Variants in TOX observed in about 807,000 individuals in gnomAD.
The protein encoded by TOX is thymocyte selection associated high mobility group box.
TOX carries 11 observed loss-of-function variants against 53.7 expected under a neutral mutation model. The observed-to-expected ratio is 0.20, with a 90% CI of 0.13 to 0.34. The LOEUF is 0.34. TOX is among the 10% of genes least tolerant of loss of function. TOX has a pLI of 1.00. For synonymous variants in TOX, 225 were observed against 245.3 expected (o/e 0.92, Z 0.77); for missense variants, 570 against 664.6 (o/e 0.86, Z 1.56).
intron 1 of TOX, among the ~76,000 whole-genome samples, chr8:59,012,658 A>C (rs1813928265): frequency 6.6e-6 from 1 of 152,246 alleles, no homozygotes; most frequent in Admixed American, 6.5e-5. Context: ...ATAAGTTCAC[A>C]TTAATCCTCA....
At chr8:58,881,289 C>T (rs900896382) in intron 3 of TOX, among the ~76,000 whole-genome samples, 10 of 152,038 alleles carry the variant, frequency 6.6e-5, no homozygotes, top group Admixed American at 2.6e-4. Flanking sequence ...AGATTATCTT[C>T]GAATAAAGTA....
intron 3 of TOX, among the ~76,000 whole-genome samples, chr8:58,928,429 G>A (rs955941705): frequency 6.6e-6 from 1 of 152,182 alleles, no homozygotes; most frequent in Non-Finnish European, 1.5e-5. Context: ...CTTCACCTTG[G>A]TGCAGCTACC....
intron 1 of TOX, among the ~76,000 whole-genome samples, chr8:59,021,481 A>AAAAATATATATATATATAT (rs59174995): frequency 1.5e-5 from 1 of 64,740 alleles, no homozygotes; most frequent in African/African-American, 5.3e-5. Context: ...AAAAAAAAAA[A>AAAAATATATATATATATAT]ATATATATAT....
At chr8:58,976,627 C>T (rs1036858903) in intron 1 of TOX, among the ~76,000 whole-genome samples, 8 of 152,144 alleles carry the variant, frequency 5.3e-5, no homozygotes, top group Non-Finnish European at 1.0e-4. Context: ...TTTCCCAGGT[C>T]CATCAAAGGA....
chr8:58,817,181 C>T lies in TOX; in HGVS notation c.1006-1457G>A, dbSNP rs1585841075. Among the ~76,000 whole-genome samples the T allele has an allele frequency of 2.0e-5, 3 of 152,024 alleles. No homozygotes were observed. In the East Asian group the frequency reaches 5.8e-4, roughly 29 times the overall value. On this transcript the variant is annotated intron_variant, in intron 6 of 8. Transcript: ENST00000361421. ...TAAAGTAAGGTGTACTGAAATAATT[C>T]CAGCCCCTTTGGAGAGTCCTCTCAT...
chr8:58,886,006 T>C (rs1040656767), intron 3 of TOX, among the ~76,000 whole-genome samples: 1 of 152,130 alleles, frequency 6.6e-6, no homozygotes, highest in Admixed American at 6.6e-5. Flanking sequence ...ATGTTGAAGT[T>C]TCAGTGTTTT....
intron 1 of TOX, among the ~76,000 whole-genome samples, chr8:59,015,560 AT>A (rs1461937881): frequency 1.3e-5 from 2 of 152,222 alleles, no homozygotes; most frequent in African/African-American, 4.8e-5. Context: ...AACTGATTTC[AT>A]TTGCAATTTC....
chr8:59,060,570 T>C (rs1332337355), intron 1 of TOX, among the ~76,000 whole-genome samples: 1 of 152,184 alleles, frequency 6.6e-6, no homozygotes, highest in Non-Finnish European at 1.5e-5. Context: ...GAGCTTGCGG[T>C]GAGCCAAGAT....
chr8:58,896,253 G>A (rs1212136854), intron 3 of TOX, among the ~76,000 whole-genome samples: 2 of 152,074 alleles, frequency 1.3e-5, no homozygotes, highest in South Asian at 2.1e-4. Context: ...CAGACAATAC[G>A]GCAAGAGGGG....
In TOX at chr8:59,118,854, G is replaced by T; in HGVS notation, c.102+32C>A. On this transcript the variant is annotated intron_variant, in intron 1 of 8. Coordinates refer to ENST00000361421, the MANE Select transcript of TOX (RefSeq NM_014729.3). The surrounding 1 kb of genome is among the most constrained non-coding windows in gnomAD (Gnocchi z 4.1). ...CTCCCCTCCCAGGATCAAGCAGCAA[G>T]AACACGGTGGAAACAAAAGCAGAGC... The T allele has an allele frequency of 6.6e-7, 1 of 1,526,662 alleles. No individual in the cohort carries two copies. The highest frequency in any genetic ancestry group is 8.9e-7 in the Non-Finnish European group (1 of 1,121,786). The allele number at this position is 1,526,662 out of a possible 1,614,324, so 94.6% of individuals were successfully genotyped here. A position where few individuals can be genotyped will look rare whatever the true frequency, so the allele number is the denominator to read the frequency against.
intron 1 of TOX, among the ~76,000 whole-genome samples, chr8:59,074,598 T>C (rs1804260674): frequency 6.6e-6 from 1 of 152,126 alleles, no homozygotes; most frequent in South Asian, 2.1e-4. Context: ...AGCACAATAT[T>C]AAGGACTAAG....
At chr8:58,865,491 T>G (rs1700611488) in intron 3 of TOX, among the ~76,000 whole-genome samples, 1 of 152,114 alleles carries the variant, frequency 6.6e-6, no homozygotes. Flanking sequence ...TTTCTGTCCC[T>G]GTTAAATACC....
chr8:58,810,819 A>G (rs1176599660), intron 7 of TOX, among the ~76,000 whole-genome samples: 1 of 151,606 alleles, frequency 6.6e-6, no homozygotes, highest in Non-Finnish European at 1.5e-5. Flanking sequence ...AGACCAACCC[A>G]CCCCCTTTCG....
intron 1 of TOX, among the ~76,000 whole-genome samples, chr8:58,969,482 T>G (rs1812962885): frequency 6.6e-6 from 1 of 152,198 alleles, no homozygotes; most frequent in Non-Finnish European, 1.5e-5. Context: ...ACTACATAGT[T>G]ATATTCATTA....
chr8:58,921,209 TA>T (rs1812069046), intron 3 of TOX, among the ~76,000 whole-genome samples: 1 of 152,236 alleles, frequency 6.6e-6, no homozygotes, highest in African/African-American at 2.4e-5. Flanking sequence ...TTTCATTCAT[TA>T]AAAGTTGTTT....
chr8:58,873,258 A>AT (rs1304273119), intron 3 of TOX, among the ~76,000 whole-genome samples: 9 of 152,188 alleles, frequency 5.9e-5, no homozygotes, highest in Non-Finnish European at 1.2e-4. Context: ...GATATGCTGC[A>AT]TAAAAACTTG....
intron 1 of TOX, among the ~76,000 whole-genome samples, chr8:59,065,841 T>G (rs547886778): frequency 1.3e-4 from 20 of 152,268 alleles, no homozygotes; most frequent in African/African-American, 3.9e-4. Context: ...CCAAAGTTCA[T>G]GTTCTGAAGA....
chr8:58,840,821 A>G (rs1020775852), intron 4 of TOX, among the ~76,000 whole-genome samples: 4 of 135,910 alleles, frequency 2.9e-5, no homozygotes, highest in African/African-American at 1.3e-4. Flanking sequence ...CACTGGCCAC[A>G]CTGCTGAATC....
At chr8:58,941,003 T>C (rs1340966052) in intron 2 of TOX, among the ~76,000 whole-genome samples, 1 of 152,192 alleles carries the variant, frequency 6.6e-6, no homozygotes, top group Non-Finnish European at 1.5e-5. Context: ...GGGAAAAATT[T>C]GACTGTTATA....
Sources: allele counts gnomAD v4.1 joint callset (sites outside exome capture counted in the v4.1 genomes callset), GRCh38; gene constraint gnomAD v4.1.1; non-coding constraint Gnocchi (gnomAD v3.1); transcripts MANE v1.5; gene names NCBI Gene and HGNC (gene_info 2026-07-23, HGNC 2026-07-21).